Variants in COL6A6 observed in about 807,000 individuals in gnomAD.
COL6A6 encodes the protein collagen alpha-6(VI) chain.
In COL6A6, 183 loss-of-function variants were observed where a neutral mutation model predicts 208.6. That is an observed-to-expected ratio of 0.88 (90% CI 0.78 to 0.99). The LOEUF is 0.99. COL6A6 is among the 50% of genes least tolerant of loss of function. The pLI, the probability that COL6A6 is intolerant of heterozygous loss-of-function variation, is 0.00. For synonymous variants in COL6A6, 973 were observed against 1,011.8 expected (o/e 0.96, Z 0.73); for missense variants, 2,816 against 2,815.2 (o/e 1.00, Z -0.01).
At position 130,582,077 on chromosome 3, in the gene COL6A6, T is replaced by C. The variant is rs1412346823; in HGVS notation, c.3970+9T>C. On this transcript the variant is annotated intron_variant, in intron 10 of 36. Transcript: ENST00000358511. ...TGAACTTAGAAAAGAAGGTACTGAGTATGGAGAAGTGGGAAGGGAGTGCTT... is the reference window on the plus strand; with the variant it reads ...TGAACTTAGAAAAGAAGGTACTGAGCATGGAGAAGTGGGAAGGGAGTGCTT... The C allele has an allele frequency of 3.3e-6, 5 of 1,530,966 alleles. No homozygotes were observed. The South Asian group carries it at 4.7e-5, about 14-fold the overall frequency. The allele number at this position is 1,530,966 out of a possible 1,614,324, so 94.8% of individuals were successfully genotyped here.
intron 8 of COL6A6, among the ~76,000 whole-genome samples, chr3:130,579,647 T>C (rs561858647): frequency 3.9e-5 from 6 of 152,248 alleles, no homozygotes; most frequent in Non-Finnish European, 5.9e-5. Flanking sequence ...AATTCTTCAT[T>C]ATTTCTTTGG....
rs764398348 is a variant in COL6A6, at chr3:130,658,738, A to G, written c.5796A>G (p.Ala1932=). 4 of 1,613,186 alleles carry G rather than the reference A, an allele frequency of 2.5e-6. No individual in the cohort carries two copies. Among genetic ancestry groups the G allele is most frequent in the East Asian group, 2.2e-5 (1 of 44,878 alleles). The stretch of plus-strand genomic sequence containing the variant: ...CCTCCGGGGCCGACTACATACCAGC[A>G]TTAGAGAGACTCCAGCGGTGCACTT... The part of the protein sequence containing the change: ...VVPSGADYIP[A]LERLQRCTFC... Residue 1932 remains alanine, a synonymous_variant, in exon 34 of 37, where the codon GCA becomes GCG. Coordinates refer to ENST00000358511, the MANE Select transcript of COL6A6 (RefSeq NM_001102608.3).
intron 1 of COL6A6, among the ~76,000 whole-genome samples, chr3:130,529,404 G>C (rs1247663812): frequency 6.6e-6 from 1 of 151,956 alleles, no homozygotes; most frequent in Non-Finnish European, 1.5e-5. Context: ...CAGGAAATAT[G>C]GTATTTTCAT....
chr3:130,670,988 G>C (rs1033184327), intron 36 of COL6A6, among the ~76,000 whole-genome samples: 1 of 152,158 alleles, frequency 6.6e-6, no homozygotes, highest in African/African-American at 2.4e-5. Flanking sequence ...TCTGCTGTAG[G>C]TTGGGATGGC....
At chr3:130,574,733 CCT>C (rs1340226442) in intron 8 of COL6A6, among the ~76,000 whole-genome samples, 2 of 152,022 alleles carry the variant, frequency 1.3e-5, no homozygotes, top group East Asian at 3.9e-4. Context: ...CTTTTTTCTC[CCT>C]GTCTCCTGGG....
chr3:130,580,649 TAG>T (rs1467803769), intron 8 of COL6A6, among the ~76,000 whole-genome samples: 4 of 152,354 alleles, frequency 2.6e-5, no homozygotes, highest in Admixed American at 6.5e-5. Flanking sequence ...TGAAAAAAAT[TAG>T]AGTTTTTAGC....
intron 18 of COL6A6, among the ~76,000 whole-genome samples, chr3:130,595,719 G>A (rs1162630875): frequency 6.6e-6 from 1 of 152,078 alleles, no homozygotes; most frequent in Non-Finnish European, 1.5e-5. Context: ...TGATAGGTGG[G>A]TTGCTCCCAG....
At chr3:130,644,954 AAAT>A in intron 31 of COL6A6, 34 bp from the exon 32 acceptor site, 4 of 1,602,610 alleles carry the variant, frequency 2.5e-6, no homozygotes, top group Non-Finnish European at 2.6e-6. Flanking sequence ...TTCTCCTACC[AAAT>A]AATAATCCAA....
chr3:130,568,995 G>A (rs115180349), intron 6 of COL6A6, among the ~76,000 whole-genome samples: 2,578 of 152,304 alleles, frequency 0.017, 99 homozygotes, highest in African/African-American at 0.059. Context: ...ATCACCTTAG[G>A]TGGAGTCTAG....
chr3:130,616,483 T>C (rs1433615337), intron 23 of COL6A6, among the ~76,000 whole-genome samples: 2 of 151,726 alleles, frequency 1.3e-5, no homozygotes, highest in South Asian at 2.1e-4. Flanking sequence ...GAATGGCATA[T>C]TCTTTTCTAC....
chr3:130,662,380 C>A, intron 35 of COL6A6, 72 bp downstream of exon 35: 3 of 1,408,526 alleles, frequency 2.1e-6, no homozygotes, highest in Non-Finnish European at 2.9e-6. Context: ...GGTTGATGAG[C>A]TAACATGGAT....
chr3:130,568,472 G>A lies in COL6A6; in HGVS notation c.2269G>A (p.Val757Met). The A allele has an allele frequency of 6.2e-7, 1 of 1,613,918 alleles. No homozygotes were observed. The part of the protein sequence containing the change: ...QEGVIIYSVG[V>M]FGSNVTQLEE... ...AGGTGTAATCATCTATTCTGTGGGAGTGTTTGGCTCCAATGTCACCCAGCT... is the reference window on the plus strand; with the variant it reads ...AGGTGTAATCATCTATTCTGTGGGAATGTTTGGCTCCAATGTCACCCAGCT... The change falls in exon 6 of 37, where the codon GTG becomes ATG. Residue 757 changes from valine to methionine, a missense_variant. By Grantham distance (21) the Val-to-Met change is conservative. Coordinates refer to ENST00000358511, the MANE Select transcript of COL6A6 (RefSeq NM_001102608.3).
chr3:130,561,216 T>C (rs1382747362), intron 2 of COL6A6, among the ~76,000 whole-genome samples: 2 of 152,310 alleles, frequency 1.3e-5, no homozygotes, highest in South Asian at 2.1e-4. Context: ...CCACAAAAGA[T>C]GTAGGGCTTC....
intron 24 of COL6A6, among the ~76,000 whole-genome samples, chr3:130,623,536 A>G (rs1278354769): frequency 6.6e-6 from 1 of 152,042 alleles, no homozygotes; most frequent in Non-Finnish European, 1.5e-5. Context: ...CTCCAAGGCA[A>G]ATAGTGATTA....
intron 13 of COL6A6, among the ~76,000 whole-genome samples, 194 bp downstream of exon 13, chr3:130,591,288 T>C (rs2063710374): frequency 6.6e-6 from 1 of 152,170 alleles, no homozygotes; most frequent in East Asian, 1.9e-4. Flanking sequence ...TTGTCTCTTC[T>C]TTGACTACCC....
chr3:130,641,568 G>T, intron 28 of COL6A6, 84 bp from the exon 29 acceptor site: 1 of 628,484 alleles, frequency 1.6e-6, no homozygotes, highest in South Asian at 4.1e-5. Flanking sequence ...TTTCACCTTT[G>T]AATTTTAATT....
At chr3:130,641,248 A>C (rs1248793299) in intron 28 of COL6A6, among the ~76,000 whole-genome samples, 2 of 152,218 alleles carry the variant, frequency 1.3e-5, no homozygotes, top group Non-Finnish European at 2.9e-5. Context: ...GTAAGGGACT[A>C]ACTAAATCAT....
intron 36 of COL6A6, among the ~76,000 whole-genome samples, chr3:130,669,148 A>T (rs552623455): frequency 6.6e-6 from 1 of 152,196 alleles, no homozygotes; most frequent in Non-Finnish European, 1.5e-5. Flanking sequence ...TAATCCCAGC[A>T]CTCTGGGAGG....
chr3:130,608,806 TG>T, intron 21 of COL6A6, 95 bp from the exon 22 acceptor site: 2 of 338,074 alleles, frequency 5.9e-6, no homozygotes, highest in Non-Finnish European at 1.1e-5. Flanking sequence ...GATCCTGCAT[TG>T]ACATTGTGAC....
Sources: gnomAD v4.1 joint callset for allele counts (sites outside exome capture counted in the v4.1 genomes callset) on GRCh38, gnomAD v4.1.1 for gene constraint, MANE v1.5 for transcripts, NCBI Gene and HGNC (gene_info 2026-07-23, HGNC 2026-07-21) for gene names.